Variants in RGSL1 observed in about 807,000 individuals in gnomAD.
The protein encoded by RGSL1 is regulator of G protein signaling like 1, also known as regulator of G protein signaling protein-like.
RGSL1 carries 97 observed loss-of-function variants against 124.7 expected under a neutral mutation model. The ratio of observed to expected loss-of-function variants is 0.78; its 90% CI spans 0.66 to 0.92. RGSL1 has a LOEUF of 0.92. Ranked by LOEUF, RGSL1 falls within the 40% of genes least tolerant of loss-of-function variation. RGSL1 has a pLI of 0.00. For synonymous variants in RGSL1, 424 were observed against 438.1 expected, an observed-to-expected ratio of 0.97 and a Z score of 0.40; for missense variants, 1,233 against 1,288.4, an observed-to-expected ratio of 0.96 and a Z score of 0.66.
intron 14 of RGSL1, 57 bp from the exon 15 acceptor site, chr1:182,540,190 G>A: frequency 2.1e-6 from 3 of 1,442,166 alleles, no homozygotes; most frequent in Non-Finnish European, 2.8e-6. Context: ...TGCCCAGGTT[G>A]AGGGTAAGAG....
At chr1:182,538,611 CA>C (rs1659697254) in intron 14 of RGSL1, among the ~76,000 whole-genome samples, 1 of 151,828 alleles carries the variant, frequency 6.6e-6, no homozygotes, top group Non-Finnish European at 1.5e-5. Context: ...ATATACTACA[CA>C]AAAGCAAAAT....
At chr1:182,472,616 G>A (rs892915007) in intron 5 of RGSL1, 59 bp downstream of exon 5, 2 of 1,450,052 alleles carry the variant, frequency 1.4e-6, no homozygotes, top group Non-Finnish European at 1.8e-6. Context: ...TCCAGTGTCT[G>A]ATAATCCTCA....
chr1:182,508,255 T>C (rs1404181344), intron 9 of RGSL1, among the ~76,000 whole-genome samples: 1 of 151,644 alleles, frequency 6.6e-6, no homozygotes, highest in Admixed American at 6.6e-5. Context: ...ATTGTAATTT[T>C]GTTGGTGGTG....
intron 9 of RGSL1, among the ~76,000 whole-genome samples, chr1:182,494,643 G>A (rs1655786715): frequency 6.6e-6 from 1 of 152,092 alleles, no homozygotes; most frequent in Non-Finnish European, 1.5e-5. Flanking sequence ...ATGGTAAATG[G>A]AACACTTCTT....
Position 182,473,706 on chromosome 1 carries a change from A to G in RGSL1, c.595A>G (p.Lys199Glu). The G allele has an allele frequency of 6.4e-7, 1 of 1,551,752 alleles. No individual in the cohort carries two copies. Among genetic ancestry groups the G allele is most frequent in the Non-Finnish European group, 8.7e-7 (1 of 1,146,988 alleles). Residue 199 changes from lysine (K) to glutamate (E), a missense_variant, in exon 6 of 22, where the codon AAG becomes GAG. By Grantham distance (56) the Lys-to-Glu change is moderately conservative (BLOSUM62 1). Coordinates refer to ENST00000294854, the MANE Select transcript of RGSL1 (RefSeq NM_001137669.2). ...YWLPNFYTHT[K>E]MTMAKEEACH... The stretch of plus-strand genomic sequence containing the variant: ...GCTTCCCAACTTTTACACCCACACC[A>G]AGATGACCATGGCCAAGGAGGAAGC...
intron 1 of RGSL1, 72 bp downstream of exon 1, chr1:182,450,250 T>C (rs766899643): frequency 1.5e-4 from 222 of 1,523,690 alleles, no homozygotes; most frequent in Middle Eastern, 3.3e-4. Flanking sequence ...TCTTCCCAAT[T>C]GTTAATAGAT....
At chr1:182,501,302 C>CTTTTTTTTTTTT (rs1656351321) in intron 9 of RGSL1, among the ~76,000 whole-genome samples, 4 of 54,262 alleles carry the variant, frequency 7.4e-5, no homozygotes, top group African/African-American at 2.7e-4. Context: ...TTTCTTTTTT[C>CTTTTTTTTTTTT]TTTTCTTTTT....
intron 8 of RGSL1, among the ~76,000 whole-genome samples, chr1:182,489,673 C>T (rs1182730151): frequency 2.0e-5 from 3 of 152,236 alleles, no homozygotes; most frequent in African/African-American, 7.2e-5. Context: ...GGAGAGACAT[C>T]GTTAGGAGCA....
intron 4 of RGSL1, among the ~76,000 whole-genome samples, chr1:182,467,828 G>A (rs1306086026): frequency 6.6e-6 from 1 of 152,158 alleles, no homozygotes; most frequent in Non-Finnish European, 1.5e-5. Flanking sequence ...GAGTGAACAG[G>A]CAACCTACGG....
rs371493622 is a variant in RGSL1, at chr1:182,528,537, GT to G, written c.2125+767del. On this transcript the variant is annotated intron_variant, in intron 11 of 21. Coordinates refer to ENST00000294854, the MANE Select transcript of RGSL1 (RefSeq NM_001137669.2). Reference sequence around the variant, plus strand: ...GATACAATAGAGATACAGGCATTGGGTTAATACACCCATTCCAAAAGGGAGA... The same window carrying G: ...GATACAATAGAGATACAGGCATTGGGTAATACACCCATTCCAAAAGGGAGA... 9.2e-5 allele frequency among the ~76,000 whole-genome samples: 14 copies of G among 152,304 alleles called. No individual in the cohort carries two copies. The East Asian group carries it at 1.2e-3, about 13-fold the overall frequency.
chr1:182,477,864 G>A (rs1022819961), intron 6 of RGSL1, among the ~76,000 whole-genome samples: 6 of 152,160 alleles, frequency 3.9e-5, no homozygotes, highest in Non-Finnish European at 4.4e-5. Context: ...AAGACCAGAA[G>A]AGGTGACTCC....
intron 6 of RGSL1, among the ~76,000 whole-genome samples, chr1:182,487,907 A>C (rs1002204790): frequency 5.3e-5 from 8 of 152,218 alleles, no homozygotes; most frequent in Admixed American, 4.6e-4. Context: ...TTCAAGTGGG[A>C]GATATGAGTA....
chr1:182,465,860 GA>G (rs1653278832), intron 4 of RGSL1, among the ~76,000 whole-genome samples: 1 of 151,964 alleles, frequency 6.6e-6, no homozygotes, highest in Non-Finnish European at 1.5e-5. Context: ...GGCACTATAA[GA>G]AAAGAAAAGT....
At chr1:182,530,159 A>AT (rs1659057056) in intron 11 of RGSL1, 85 bp from the exon 12 acceptor site, 7 of 974,416 alleles carry the variant, frequency 7.2e-6, no homozygotes, top group African/African-American at 1.7e-5. Flanking sequence ...AGACTCTAAG[A>AT]TAAAAAAAAA....
chr1:182,491,172 G>A (rs948965184), intron 8 of RGSL1, among the ~76,000 whole-genome samples: 1 of 151,896 alleles, frequency 6.6e-6, no homozygotes, highest in Non-Finnish European at 1.5e-5. Context: ...AAAGGTGTGA[G>A]TGACCATGCC....
intron 10 of RGSL1, among the ~76,000 whole-genome samples, chr1:182,527,247 C>G (rs1035150069): frequency 6.6e-6 from 1 of 152,112 alleles, no homozygotes; most frequent in African/African-American, 2.4e-5. Flanking sequence ...TAATCATGCT[C>G]CACCTCACAG....
intron 9 of RGSL1, among the ~76,000 whole-genome samples, chr1:182,501,307 C>CTTTTTTTTTTTTTTT (rs141279993): frequency 1.3e-4 from 8 of 61,332 alleles, no homozygotes; most frequent in Non-Finnish European, 2.3e-4. Context: ...TTTTTCTTTT[C>CTTTTTTTTTTTTTTT]TTTTTTTTTT....
At chr1:182,488,823 G>A (rs1655307535) in intron 7 of RGSL1, 157 bp from the exon 8 acceptor site, 3 of 583,272 alleles carry the variant, frequency 5.1e-6, no homozygotes. Context: ...AAAGGGTGGG[G>A]GTTGGCATGT....
chr1:182,519,967 A>G (rs995477409), intron 9 of RGSL1, among the ~76,000 whole-genome samples: 1 of 152,140 alleles, frequency 6.6e-6, no homozygotes, highest in Non-Finnish European at 1.5e-5. Context: ...TACTTGAATT[A>G]TATTAATAAT....
Sources: gnomAD v4.1 joint callset for allele counts (sites outside exome capture counted in the v4.1 genomes callset) on GRCh38, gnomAD v4.1.1 for gene constraint, MANE v1.5 for transcripts, NCBI Gene and HGNC (gene_info 2026-07-23, HGNC 2026-07-21) for gene names.